FBXO5: variants seen among roughly 807,000 people sequenced by gnomAD.
FBXO5 encodes F-box only protein 5.
A neutral mutation model predicts 43.3 loss-of-function variants in FBXO5; 8 were observed. That is an observed-to-expected ratio of 0.18 (90% CI 0.11 to 0.33). FBXO5 has a LOEUF of 0.33. Among genes scored for constraint, FBXO5 ranks in the 10% least tolerant of loss-of-function variants. FBXO5 has a pLI of 1.00. For synonymous variants in FBXO5, 204 were observed against 193.7 expected, an observed-to-expected ratio of 1.05 and a Z score of -0.44; for missense variants, 491 against 535.7, an observed-to-expected ratio of 0.92 and a Z score of 0.82.
chr6:152,971,817 C>G (rs1006794057), intron 4 of FBXO5, among the ~76,000 whole-genome samples: 68 of 152,138 alleles, frequency 4.5e-4, no homozygotes, highest in African/African-American at 1.4e-3. Context: ...AGAAGGCCTT[C>G]AAGTTCAGAA....
chr6:152,979,480 C>T (rs1376757616), intron 1 of FBXO5, among the ~76,000 whole-genome samples: 1 of 152,160 alleles, frequency 6.6e-6, no homozygotes, highest in African/African-American at 2.4e-5. Context: ...GGTAGTATTT[C>T]TGAGCTTGCT....
upstream of FBXO5, chr6:152,983,104 T>C (rs754620017): frequency 2.4e-5 from 11 of 450,198 alleles, no homozygotes; most frequent in East Asian, 3.6e-5. Flanking sequence ...ATCCGCGCGG[T>C]CCAATGAGAC....
intron 1 of FBXO5, among the ~76,000 whole-genome samples, chr6:152,980,200 C>G (rs1365958834): frequency 2.0e-5 from 3 of 152,194 alleles, no homozygotes; most frequent in African/African-American, 7.2e-5. Context: ...GCTTCATAAC[C>G]TCTTGAATGA....
At chr6:152,982,738 T>G in intron 1 of FBXO5, 119 bp downstream of exon 1, 1 of 636,476 alleles carries the variant, frequency 1.6e-6, no homozygotes, top group Non-Finnish European at 2.4e-6. Context: ...AGGCCGGGCG[T>G]GTGGCATGGC....
intron 4 of FBXO5, among the ~76,000 whole-genome samples, chr6:152,971,754 T>C (rs897197634): frequency 1.3e-5 from 2 of 152,228 alleles, no homozygotes; most frequent in African/African-American, 4.8e-5. Context: ...CAAAGTTATC[T>C]ACATTTGAGT....
intron 1 of FBXO5, among the ~76,000 whole-genome samples, chr6:152,976,519 C>G (rs1366116491): frequency 6.6e-6 from 1 of 152,098 alleles, no homozygotes; most frequent in African/African-American, 2.4e-5. Context: ...GACTAATTTA[C>G]CAAAGAACCG....
At chr6:152,980,923 C>CA in intron 1 of FBXO5, among the ~76,000 whole-genome samples, 2 of 152,298 alleles carry the variant, frequency 1.3e-5, no homozygotes, top group East Asian at 3.9e-4. Flanking sequence ...AAGGCAAAGT[C>CA]CCTATCACAA....
At chr6:152,971,636 T>C (rs1429421629) in intron 4 of FBXO5, among the ~76,000 whole-genome samples, 1 of 152,168 alleles carries the variant, frequency 6.6e-6, no homozygotes, top group East Asian at 1.9e-4. Context: ...CATTAGTCAT[T>C]ATGGCATAAA....
chr6:152,978,383 G>GTT (rs1161723145), intron 1 of FBXO5, among the ~76,000 whole-genome samples: 2 of 54,438 alleles, frequency 3.7e-5, no homozygotes, highest in African/African-American at 1.2e-4. Flanking sequence ...TTTTTGGGGG[G>GTT]GGGGGGGGGG....
At chr6:152,982,254 G>T (rs1208785452) in intron 1 of FBXO5, among the ~76,000 whole-genome samples, 2 of 152,286 alleles carry the variant, frequency 1.3e-5, no homozygotes, top group East Asian at 3.9e-4. Flanking sequence ...CTGAGGGATC[G>T]GTGGGGCTGC....
At position 152,978,148 on chromosome 6, in the gene FBXO5, T is replaced by C. The variant is rs370376093; in HGVS notation, c.104-2527A>G. On this transcript the variant is annotated intron_variant, in intron 1 of 4. Transcript: ENST00000229758. ...TTACAAATAACATTCATACTGTTTA[T>C]AAAAATGATAGAAAAGTCAGAATTT... 6.6e-5 allele frequency among the ~76,000 whole-genome samples: 10 copies of C among 152,208 alleles called. No individual in the cohort carries two copies. In the South Asian group the frequency reaches 1.0e-3, roughly 16 times the overall value.
Position 152,974,984 on chromosome 6 carries a change from G to A in FBXO5, c.741C>T (p.Leu247=). ...RKMGLECVDI[L]SELFRRGLRH... is the part of the protein sequence containing the mutation. ...TGAGTCCCCTTCGAAAGAGTTCGCT[G>A]AGAATATCTACACATTCTAGGCCCA... Residue 247 remains leucine, a synonymous_variant, in exon 2 of 5, where the codon CTC becomes CTT. Transcript: ENST00000229758. 2 of 1,613,720 alleles carry A rather than the reference G, an allele frequency of 1.2e-6. No homozygotes were observed. Among genetic ancestry groups the A allele is most frequent in the East Asian group, 2.2e-5 (1 of 44,862 alleles).
rs575193393 is a variant in FBXO5, at chr6:152,979,114, T to A, written c.104-3493A>T. ...TCCTGTACACCCATTGCTTAACTTATATTACTAACAGTAATGCATGTCACA... is the reference window on the plus strand; with the variant it reads ...TCCTGTACACCCATTGCTTAACTTAAATTACTAACAGTAATGCATGTCACA... On this transcript the variant is annotated intron_variant, in intron 1 of 4. Transcript: ENST00000229758. Among the ~76,000 whole-genome samples, 4 of 152,360 alleles carry A rather than the reference T, an allele frequency of 2.6e-5. No homozygotes were observed. In the East Asian group the frequency reaches 7.7e-4, roughly 29 times the overall value.
At chr6:152,978,670 C>T (rs1778212971) in intron 1 of FBXO5, among the ~76,000 whole-genome samples, 2 of 152,016 alleles carry the variant, frequency 1.3e-5, no homozygotes, top group African/African-American at 2.4e-5. Context: ...CTTGCAACAA[C>T]AGTATTTTCA....
intron 1 of FBXO5, among the ~76,000 whole-genome samples, chr6:152,982,431 G>C (rs1562293295): frequency 6.6e-6 from 1 of 152,134 alleles, no homozygotes; most frequent in African/African-American, 2.4e-5. Context: ...TGAGGCACCT[G>C]GCCAGGCCCT....
rs1395581304 is a variant in FBXO5, at chr6:152,971,407, T to C, written c.1100A>G (p.Lys367Arg). 6.3e-7 allele frequency: 1 copy of C among 1,585,064 alleles called. No individual in the cohort carries two copies. The highest frequency in any genetic ancestry group is 8.5e-7 in the Non-Finnish European group (1 of 1,171,794). The change falls in exon 5 of 5, where the codon AAG becomes AGG. Residue 367 changes from lysine (K) to arginine (R), a missense_variant. Transcript: ENST00000229758. ...SRHNEFSEVA[K>R]TLKKNESLKA... ...GAGGCTTTCGTTCTTTTTCAATGTC[T>C]TGGCAACCTAAAAAGAAAAAAAAAA...
intron 2 of FBXO5, 59 bp downstream of exon 2, chr6:152,974,848 G>C: frequency 7.5e-7 from 1 of 1,341,408 alleles, no homozygotes; most frequent in East Asian, 2.3e-5. Flanking sequence ...GTGGTACTGA[G>C]CCACTAACAG....
Position 152,972,261 on chromosome 6 carries a change from CAAA to C in FBXO5, c.1092+8_1092+10del. The stretch of plus-strand genomic sequence containing the variant: ...TTATGTTTTAAGATTTATGATTAGA[CAAA>C]AAATTACCTCAGAGAATTCATTGTG... On this transcript the variant is annotated splice_region_variant and intron_variant, in intron 4 of 4. Coordinates refer to ENST00000229758, the MANE Select transcript of FBXO5 (RefSeq NM_012177.5). 1 of 1,592,448 alleles carries C rather than the reference CAAA, an allele frequency of 6.3e-7. No individual in the cohort carries two copies. Among genetic ancestry groups the C allele is most frequent in the Non-Finnish European group, 8.6e-7 (1 of 1,166,926 alleles).
In FBXO5 at chr6:152,972,462, A is replaced by T. The variant is rs181304733; in HGVS notation, c.910-8T>A. On this transcript the variant is annotated splice_region_variant and splice_polypyrimidine_tract_variant and intron_variant, in intron 3 of 4. Transcript: ENST00000229758. ...AAATTTATTGTTGTTTTCCTAATTT[A>T]AAAAAAAGTTTTAATAGAATTTAGA... is the stretch of plus-strand genomic sequence containing the variant. 1.1e-4 allele frequency: 174 copies of T among 1,548,344 alleles called. No homozygotes were observed. In the Admixed American group the frequency reaches 3.2e-3, roughly 29 times the overall value.
Sources: allele counts gnomAD v4.1 joint callset (sites outside exome capture counted in the v4.1 genomes callset), GRCh38; gene constraint gnomAD v4.1.1; transcripts MANE v1.5; gene names NCBI Gene and HGNC (gene_info 2026-07-23, HGNC 2026-07-21).